The following IQGAP2 variants were observed in gnomAD, a reference collection of about 807,000 sequenced individuals.
The protein encoded by IQGAP2 is ras GTPase-activating-like protein IQGAP2.
Under a neutral mutation model 201.3 loss-of-function variants are expected in IQGAP2, and 173 were observed. The ratio of observed to expected loss-of-function variants is 0.86; its 90% CI spans 0.76 to 0.98. The LOEUF (loss-of-function observed/expected upper bound fraction) is 0.98. Among genes scored for constraint, IQGAP2 ranks in the 50% least tolerant of loss-of-function variants. The probability of loss-of-function intolerance (pLI) is 0.00; values close to 1 mark genes in which losing one functional copy is unlikely to be tolerated. For missense variants in IQGAP2, 1,687 were observed against 1,864.8 expected (o/e 0.90, Z 1.76); for synonymous variants, 675 against 673.9 (o/e 1.00, Z -0.03).
At chr5:76,430,831 A>G (rs1197391604) in intron 1 of IQGAP2, among the ~76,000 whole-genome samples, 1 of 152,356 alleles carries the variant, frequency 6.6e-6, no homozygotes, top group East Asian at 1.9e-4. Context: ...TATATTGTGA[A>G]GAATTAATGA....
intron 19 of IQGAP2, 25 bp downstream of exon 19, chr5:76,654,296 TA>T: frequency 2.7e-6 from 4 of 1,483,218 alleles, no homozygotes; most frequent in Non-Finnish European, 3.7e-6. Flanking sequence ...TGTGGGATTT[TA>T]TCCAGGTTGA....
At chr5:76,595,617 C>T (rs963278888) in intron 9 of IQGAP2, among the ~76,000 whole-genome samples, 5 of 151,688 alleles carry the variant, frequency 3.3e-5, no homozygotes, top group South Asian at 2.1e-4. Flanking sequence ...AAAAATTAGC[C>T]GGGTGTGGTG....
chr5:76,507,294 C>T (rs1757659374), intron 2 of IQGAP2, among the ~76,000 whole-genome samples: 1 of 152,100 alleles, frequency 6.6e-6, no homozygotes. Flanking sequence ...ACGAATGGTG[C>T]TGAAACAACT....
intron 27 of IQGAP2, 83 bp downstream of exon 27, chr5:76,674,792 G>A: frequency 9.9e-7 from 1 of 1,010,652 alleles, no homozygotes; most frequent in Non-Finnish European, 1.5e-6. Flanking sequence ...AGCTAGAGTG[G>A]GCATGGAGGA....
At chr5:76,566,836 G>T (rs529288384) in intron 3 of IQGAP2, among the ~76,000 whole-genome samples, 1 of 152,166 alleles carries the variant, frequency 6.6e-6, no homozygotes, top group African/African-American at 2.4e-5. Flanking sequence ...GATGACCAAG[G>T]AGGAGGGAGC....
intron 1 of IQGAP2, among the ~76,000 whole-genome samples, chr5:76,423,177 T>G (rs1751816343): frequency 6.6e-6 from 1 of 152,230 alleles, no homozygotes; most frequent in Non-Finnish European, 1.5e-5. Flanking sequence ...CCATTAAATT[T>G]GGGAAAAAGA....
At chr5:76,406,213 A>G (rs1344941292) in intron 1 of IQGAP2, among the ~76,000 whole-genome samples, 1 of 152,218 alleles carries the variant, frequency 6.6e-6, no homozygotes, top group African/African-American at 2.4e-5. Flanking sequence ...GGATTTCTCA[A>G]TGAGTTCTCC....
chr5:76,544,845 G>C (rs1284449425), intron 2 of IQGAP2, among the ~76,000 whole-genome samples: 1 of 151,972 alleles, frequency 6.6e-6, no homozygotes, highest in African/African-American at 2.4e-5. Context: ...TTTCTGAATA[G>C]TTATCCATAC....
chr5:76,403,505 GC>G lies in IQGAP2; in HGVS notation c.-40del. 1 of 1,436,110 alleles carries G rather than the reference GC, an allele frequency of 7.0e-7. No individual in the cohort carries two copies. The allele number at this position is 1,436,110 out of a possible 1,614,324, so 89.0% of individuals were successfully genotyped here. On this transcript the variant is annotated 5_prime_UTR_variant, in exon 1 of 36. Transcript: ENST00000274364. The surrounding 1 kb of genome is among the most constrained non-coding windows in gnomAD (Gnocchi z 4.8). ...GCGAGCCTGGCCAGCGAGGGTAGCC[GC>G]GGGGGGCGCGCCCCGGGCGGGCCCC... is the stretch of plus-strand genomic sequence containing the variant.
At position 76,693,435 on chromosome 5, in the gene IQGAP2, C is replaced by T. The variant is rs148122303; in HGVS notation, c.3986C>T (p.Ala1329Val). 3.9e-5 allele frequency: 63 copies of T among 1,602,980 alleles called. No individual in the cohort carries two copies. Among genetic ancestry groups the T allele is most frequent in the South Asian group, 1.2e-4 (11 of 90,528 alleles). The change falls in exon 31 of 36, where the codon GCG becomes GTG. Residue 1329 changes from alanine to valine, a missense_variant. By Grantham distance (64) the Ala-to-Val change is moderately conservative (BLOSUM62 0). Coordinates refer to ENST00000274364, the MANE Select transcript of IQGAP2 (RefSeq NM_006633.5). ...LTEILETPATAQQEVDHATDM... is the reference protein window; with the variant it reads ...LTEILETPATVQQEVDHATDM... The stretch of plus-strand genomic sequence containing the variant: ...GAAATCTTAGAGACACCAGCAACTG[C>T]GCAACAGGTAATTTGACTTTAAGTG...
At chr5:76,412,638 C>A (rs904670251) in intron 1 of IQGAP2, among the ~76,000 whole-genome samples, 5 of 152,198 alleles carry the variant, frequency 3.3e-5, no homozygotes, top group African/African-American at 1.2e-4. Context: ...ATCTAGCCAG[C>A]AGCTTGGTAT....
At chr5:76,653,380 A>G (rs966534264) in intron 18 of IQGAP2, among the ~76,000 whole-genome samples, 20 of 151,196 alleles carry the variant, frequency 1.3e-4, no homozygotes, top group Non-Finnish European at 2.5e-4. Context: ...GAAATCTACA[A>G]CTTGGAGATC....
At chr5:76,553,229 T>C (rs1290771904) in intron 2 of IQGAP2, among the ~76,000 whole-genome samples, 1 of 152,224 alleles carries the variant, frequency 6.6e-6, no homozygotes, top group Non-Finnish European at 1.5e-5. Flanking sequence ...AGGTGGAAAA[T>C]GACCAACTAT....
At chr5:76,437,328 T>C (rs6880514) in intron 1 of IQGAP2, among the ~76,000 whole-genome samples, 14,490 of 152,074 alleles carry the variant, frequency 0.095, 1,776 homozygotes, top group African/African-American at 0.29. Flanking sequence ...GCTAGGATTA[T>C]AGGCGTGAGC....
At chr5:76,617,086 C>T (rs1027667151) in intron 13 of IQGAP2, 6 of 153,644 alleles carry the variant, frequency 3.9e-5, no homozygotes, top group Non-Finnish European at 8.7e-5. Context: ...ATGTCATTTT[C>T]CATAGAGTTG....
At chr5:76,546,753 G>A (rs1236861157) in intron 2 of IQGAP2, among the ~76,000 whole-genome samples, 2 of 152,060 alleles carry the variant, frequency 1.3e-5, no homozygotes, top group Non-Finnish European at 1.5e-5. Context: ...CTGTAACTAC[G>A]GACACACATG....
intron 2 of IQGAP2, among the ~76,000 whole-genome samples, chr5:76,533,827 C>T (rs1019410442): frequency 1.3e-5 from 2 of 152,292 alleles, no homozygotes; most frequent in Admixed American, 6.5e-5. Context: ...CGTGAGCCAC[C>T]GCGCCTGGCT....
chr5:76,417,033 T>C (rs983850038), intron 1 of IQGAP2, among the ~76,000 whole-genome samples: 2 of 152,190 alleles, frequency 1.3e-5, no homozygotes, highest in African/African-American at 4.8e-5. Flanking sequence ...AGTCTTGCCA[T>C]GTTGCCCAGG....
Position 76,461,599 on chromosome 5 carries a change from G to A in IQGAP2, c.76G>A (p.Glu26Lys), listed in dbSNP as rs1754459102. The A allele has an allele frequency of 6.2e-7, 1 of 1,613,806 alleles. No individual in the cohort carries two copies. Among genetic ancestry groups the A allele is most frequent in the Non-Finnish European group, 8.5e-7 (1 of 1,179,826 alleles). The change falls in exon 2 of 36, where the codon GAG becomes AAG. Residue 26 changes from glutamate to lysine, a missense_variant. Glu to Lys is a moderately conservative substitution (Grantham distance 56). Transcript: ENST00000274364. ...TGTGGACGATGAAAGGCTCTCTGCA[G>A]AGGAGATGGATGAGAGGAGGCGGCA... ...SIVDDERLSA[E>K]EMDERRRQNI...
Sources: allele counts gnomAD v4.1 joint callset (sites outside exome capture counted in the v4.1 genomes callset), GRCh38; gene constraint gnomAD v4.1.1; non-coding constraint Gnocchi (gnomAD v3.1); transcripts MANE v1.5; gene names NCBI Gene and HGNC (gene_info 2026-07-23, HGNC 2026-07-21).